The following FARS2 variants were observed in gnomAD, a reference collection of about 807,000 sequenced individuals.
FARS2 encodes phenylalanine--tRNA ligase, mitochondrial.
In FARS2, 40 loss-of-function variants were observed where a neutral mutation model predicts 46.4. That is an observed-to-expected ratio of 0.86 (90% confidence interval 0.67 to 1.12). The LOEUF (loss-of-function observed/expected upper bound fraction) is 1.12. Ranked by LOEUF, FARS2 falls within the 50% of genes most tolerant of loss-of-function variation. The pLI is 0.00. For synonymous variants in FARS2, 234 were observed against 214.9 expected (o/e 1.09, Z -0.78); for missense variants, 513 against 567.9 (o/e 0.90, Z 0.98).
chr6:5,552,311 C>T (rs1458100520), intron 5 of FARS2, among the ~76,000 whole-genome samples: 7 of 152,036 alleles, frequency 4.6e-5, no homozygotes, highest in Admixed American at 2.6e-4. Flanking sequence ...AGAGGTGGGG[C>T]GAGAAAATGG....
chr6:5,710,717 G>T (rs982872371), intron 6 of FARS2, among the ~76,000 whole-genome samples: 15 of 152,208 alleles, frequency 9.9e-5, no homozygotes, highest in Admixed American at 2.0e-4. Context: ...CAGAGAGAGG[G>T]CTCTGGATTT....
At chr6:5,717,927 T>TAGAGAGAGAGAGAGAG (rs1410102835) in intron 6 of FARS2, among the ~76,000 whole-genome samples, 849 of 74,190 alleles carry the variant, frequency 0.011, 14 homozygotes, top group Non-Finnish European at 0.014. Context: ...TATATATATA[T>TAGAGAGAGAGAGAGAG]ATATATATAC....
intron 6 of FARS2, among the ~76,000 whole-genome samples, chr6:5,704,120 G>A (rs1410733146): frequency 1.3e-5 from 2 of 152,210 alleles, no homozygotes; most frequent in Non-Finnish European, 2.9e-5. Flanking sequence ...GCTGGCTGCT[G>A]TAACAAACCA....
At chr6:5,705,500 G>A (rs967241878) in intron 6 of FARS2, among the ~76,000 whole-genome samples, 2 of 152,148 alleles carry the variant, frequency 1.3e-5, no homozygotes, top group Admixed American at 6.5e-5. Flanking sequence ...GGTTTCCTGT[G>A]CCTGCCTCCT....
chr6:5,358,960 A>G (rs1324789974), intron 1 of FARS2, among the ~76,000 whole-genome samples: 1 of 148,926 alleles, frequency 6.7e-6, no homozygotes, highest in Non-Finnish European at 1.5e-5. Flanking sequence ...TCTTGAATAT[A>G]TGGCATTTAT....
At chr6:5,478,290 T>G (rs1376075157) in intron 4 of FARS2, among the ~76,000 whole-genome samples, 4 of 152,210 alleles carry the variant, frequency 2.6e-5, no homozygotes, top group Non-Finnish European at 5.9e-5. Flanking sequence ...TTTCCAATTC[T>G]AGATAAAATC....
At chr6:5,638,790 G>C (rs539197368) in intron 6 of FARS2, among the ~76,000 whole-genome samples, 1 of 152,258 alleles carries the variant, frequency 6.6e-6, no homozygotes, top group East Asian at 1.9e-4. Context: ...GTTTCCTCGC[G>C]CGAGAGAATC....
chr6:5,686,455 C>T (rs1245798859), intron 6 of FARS2, among the ~76,000 whole-genome samples: 2 of 151,796 alleles, frequency 1.3e-5, no homozygotes, highest in African/African-American at 2.4e-5. Flanking sequence ...ATGTGGTGTT[C>T]GGTTTTTTGT....
intron 4 of FARS2, among the ~76,000 whole-genome samples, chr6:5,523,644 C>T (rs1769284608): frequency 6.6e-6 from 1 of 152,210 alleles, no homozygotes; most frequent in African/African-American, 2.4e-5. Context: ...TGGAGGCTCA[C>T]AGACAGCTGC....
chr6:5,559,842 A>G (rs1446034251), intron 5 of FARS2, among the ~76,000 whole-genome samples: 3 of 152,308 alleles, frequency 2.0e-5, no homozygotes, highest in East Asian at 3.9e-4. Flanking sequence ...ACACCTGCGC[A>G]CTATGCTAGA....
intron 4 of FARS2, chr6:5,466,557 A>C (rs1765526087): frequency 1.0e-6 from 1 of 985,380 alleles, no homozygotes; most frequent in African/African-American, 1.7e-5. Context: ...GTTATTCCCT[A>C]GGCTTGTTTC....
intron 5 of FARS2, among the ~76,000 whole-genome samples, chr6:5,599,294 G>A (rs1217745573): frequency 6.6e-6 from 1 of 152,120 alleles, no homozygotes; most frequent in East Asian, 1.9e-4. Flanking sequence ...AAAACCATAC[G>A]TGAGTTCACT....
chr6:5,260,598 T>TGCCCCGG, upstream of FARS2: 333 of 1,105,352 alleles, frequency 3.0e-4, no homozygotes, highest in Non-Finnish European at 3.8e-4. Flanking sequence ...GCACCCCCGG[T>TGCCCCGG]CCCCGGCCCC....
chr6:5,570,812 C>T lies in FARS2; in HGVS notation c.1065+25472C>T, dbSNP rs2326649. 1.5e-3 allele frequency among the ~76,000 whole-genome samples: 224 copies of T among 152,142 alleles called. 1 individual carries two copies. Among genetic ancestry groups the T allele is most frequent in the African/African-American group, 5.2e-3 (217 of 41,514 alleles). On this transcript the variant is annotated intron_variant, in intron 5 of 6. Transcript: ENST00000274680. Reference sequence around the variant, plus strand: ...CCTCTGGAAACGGGGGTAATCTGCACTGTCACCACAGCTGTGCACGCATTT... The same window carrying T: ...CCTCTGGAAACGGGGGTAATCTGCATTGTCACCACAGCTGTGCACGCATTT...
chr6:5,337,855 T>A (rs1408731332), intron 1 of FARS2, among the ~76,000 whole-genome samples: 2 of 152,186 alleles, frequency 1.3e-5, no homozygotes, highest in African/African-American at 4.8e-5. Flanking sequence ...TATTTGCTGT[T>A]AGGAGTGATT....
intron 4 of FARS2, among the ~76,000 whole-genome samples, chr6:5,434,137 T>G (rs1763385923): frequency 6.6e-6 from 1 of 152,038 alleles, no homozygotes; most frequent in Non-Finnish European, 1.5e-5. Flanking sequence ...TGAGACAGAG[T>G]CTCGCTCTGT....
At chr6:5,610,033 C>T in intron 5 of FARS2, 2 of 959,858 alleles carry the variant, frequency 2.1e-6, no homozygotes, top group South Asian at 2.6e-5. Context: ...AACCCAAAGC[C>T]CCTGGAGCAA....
intron 2 of FARS2, among the ~76,000 whole-genome samples, chr6:5,379,150 G>A (rs1320143477): frequency 6.6e-6 from 1 of 152,142 alleles, no homozygotes; most frequent in Non-Finnish European, 1.5e-5. Flanking sequence ...AACTCCTTAA[G>A]GGTGCCACTC....
At position 5,324,202 on chromosome 6, in the gene FARS2, T is replaced by G. The variant is rs149219935; in HGVS notation, c.-21-44348T>G. ...TGCCATTCGTGTTTCTTTCCTCTTA[T>G]TTTAACTCTTACAGTAGTGACAAAC... On this transcript the variant is annotated intron_variant, in intron 1 of 6. Coordinates refer to ENST00000274680, the MANE Select transcript of FARS2 (RefSeq NM_006567.5). Among the ~76,000 whole-genome samples the G allele has an allele frequency of 7.2e-5, 11 of 152,356 alleles. No individual in the cohort carries two copies. The East Asian group carries it at 1.5e-3, about 21-fold the overall frequency.
Sources: allele counts gnomAD v4.1 joint callset (sites outside exome capture counted in the v4.1 genomes callset), GRCh38; gene constraint gnomAD v4.1.1; transcripts MANE v1.5; gene names NCBI Gene and HGNC (gene_info 2026-07-23, HGNC 2026-07-21).